The following FSTL1 variants were observed in gnomAD, a reference collection of about 807,000 sequenced individuals.
FSTL1 encodes follistatin like 1, also known as follistatin-related protein 1.
In FSTL1, 24 loss-of-function variants were observed where a neutral mutation model predicts 45.9. The observed-to-expected ratio is 0.52, with a 90% confidence interval of 0.38 to 0.74. FSTL1 has a LOEUF of 0.74. Ranked by LOEUF, FSTL1 falls within the 30% of genes least tolerant of loss-of-function variation. The pLI, the probability that FSTL1 is intolerant of heterozygous loss-of-function variation, is 0.00. For synonymous variants in FSTL1, 120 were observed against 137.6 expected, an observed-to-expected ratio of 0.87 and a Z score of 0.89; for missense variants, 340 against 381.8, an observed-to-expected ratio of 0.89 and a Z score of 0.91.
chr3:120,430,724 A>G (rs973911129), intron 2 of FSTL1, among the ~76,000 whole-genome samples: 2 of 152,244 alleles, frequency 1.3e-5, no homozygotes, highest in Admixed American at 6.5e-5. Flanking sequence ...AATCAAAAAC[A>G]TACCAAACAT....
chr3:120,405,109 G>T, intron 6 of FSTL1, 138 bp from the exon 7 acceptor site: 1 of 615,926 alleles, frequency 1.6e-6, no homozygotes, highest in South Asian at 1.9e-5. Flanking sequence ...GAGGGCCTTG[G>T]CAACAAATGC....
At chr3:120,412,828 G>GCA (rs1937091932) in intron 3 of FSTL1, among the ~76,000 whole-genome samples, 4 of 67,446 alleles carry the variant, frequency 5.9e-5, no homozygotes, top group East Asian at 3.5e-4. Context: ...GTGCGCGCGC[G>GCA]CGCGCGCGCG....
chr3:120,414,074 C>T (rs1438014192), intron 3 of FSTL1, among the ~76,000 whole-genome samples: 1 of 151,898 alleles, frequency 6.6e-6, no homozygotes, highest in Non-Finnish European at 1.5e-5. Context: ...GAGTCTCGTT[C>T]ACTCAGTGCT....
At chr3:120,415,542 T>C (rs1219221062) in intron 3 of FSTL1, among the ~76,000 whole-genome samples, 2 of 152,192 alleles carry the variant, frequency 1.3e-5, no homozygotes, top group South Asian at 2.1e-4. Context: ...ATAAACCCTA[T>C]GCTTATAGTA....
intron 2 of FSTL1, among the ~76,000 whole-genome samples, chr3:120,422,768 C>T (rs1354746211): frequency 6.6e-6 from 1 of 151,772 alleles, no homozygotes; most frequent in Non-Finnish European, 1.5e-5. Flanking sequence ...AATCTCAGCT[C>T]ACTGTAACTT....
At chr3:120,443,811 A>G (rs1937679640) in intron 2 of FSTL1, among the ~76,000 whole-genome samples, 1 of 149,936 alleles carries the variant, frequency 6.7e-6, no homozygotes, top group Non-Finnish European at 1.5e-5. Context: ...CTTCCAAATG[A>G]GCATCTAAAG....
intron 2 of FSTL1, among the ~76,000 whole-genome samples, chr3:120,419,976 G>T (rs1937251334): frequency 6.6e-6 from 1 of 152,170 alleles, no homozygotes; most frequent in East Asian, 1.9e-4. Flanking sequence ...GGAGAGTCAG[G>T]AAAGCTCTGT....
chr3:120,410,894 C>A, intron 5 of FSTL1, 58 bp downstream of exon 5: 1 of 1,358,748 alleles, frequency 7.4e-7, no homozygotes, highest in African/African-American at 1.4e-5. Context: ...CACAAAATTT[C>A]TATCATGAAA....
At chr3:120,449,186 C>T (rs1232948631) in intron 2 of FSTL1, among the ~76,000 whole-genome samples, 2 of 152,220 alleles carry the variant, frequency 1.3e-5, no homozygotes, top group Non-Finnish European at 2.9e-5. Context: ...TGCTTCAGAG[C>T]TAACTAGTTG....
In FSTL1 at chr3:120,396,866, C is replaced by A; in HGVS notation, c.*86G>T. 1 of 908,320 alleles carries A rather than the reference C, an allele frequency of 1.1e-6. No individual in the cohort carries two copies. 56.3% of individuals were successfully genotyped at this position (908,320 alleles called of 1,614,324 possible). On this transcript the variant is annotated 3_prime_UTR_variant, in exon 11 of 11. Coordinates refer to ENST00000295633, the MANE Select transcript of FSTL1 (RefSeq NM_007085.5). The stretch of plus-strand genomic sequence containing the variant: ...ATATAAGCAAATACTGGTGATTTGG[C>A]GACTGTAGCAGACACTTGTGTATAC...
Position 120,411,883 on chromosome 3 carries a change from A to T in FSTL1, c.269T>A (p.Ile90Asn), listed in dbSNP as rs1338653142. The T allele has an allele frequency of 1.1e-5, 18 of 1,613,946 alleles. No homozygotes were observed. The highest frequency in any genetic ancestry group is 1.5e-5 in the Non-Finnish European group (18 of 1,179,936). ...HRDACLTGSKIQVDYDGHCKE... is the reference protein window; with the variant it reads ...HRDACLTGSKNQVDYDGHCKE... Reference sequence around the variant, plus strand: ...GCAGTGTCCATCGTAATCAACCTGGATTTTGGATCCAGTGAGGCAGGCATC... The same window carrying T: ...GCAGTGTCCATCGTAATCAACCTGGTTTTTGGATCCAGTGAGGCAGGCATC... Residue 90 changes from isoleucine (I) to asparagine (N), a missense_variant, in exon 4 of 11, where the codon ATC (isoleucine) becomes AAC (asparagine). Transcript: ENST00000295633.
intron 2 of FSTL1, among the ~76,000 whole-genome samples, chr3:120,432,462 A>AT (rs1311575572): frequency 6.6e-6 from 1 of 151,972 alleles, no homozygotes; most frequent in East Asian, 1.9e-4. Flanking sequence ...ATTCCCCCCT[A>AT]TTTTTTCAGA....
chr3:120,428,898 A>T (rs1409002235), intron 2 of FSTL1, among the ~76,000 whole-genome samples: 2 of 152,232 alleles, frequency 1.3e-5, no homozygotes, highest in Non-Finnish European at 2.9e-5. Flanking sequence ...CCAGCAAGAA[A>T]CTCAAAGCTA....
rs533260444 is a variant in FSTL1, at chr3:120,431,902, G to A, written c.64-15875C>T. Among the ~76,000 whole-genome samples, 137 of 152,290 alleles carry A rather than the reference G, an allele frequency of 9.0e-4. 1 individual carries two copies. The highest frequency in any genetic ancestry group is 3.1e-3 in the African/African-American group (127 of 41,570). On this transcript the variant is annotated intron_variant, in intron 2 of 10. Coordinates refer to ENST00000295633, the MANE Select transcript of FSTL1 (RefSeq NM_007085.5). ...CCTAGTCCTTCAAAAATAGGCAGGCGTCATGGGCACTTAGGCTGAATTCTG... is the reference window on the plus strand; with the variant it reads ...CCTAGTCCTTCAAAAATAGGCAGGCATCATGGGCACTTAGGCTGAATTCTG...
chr3:120,431,732 G>C (rs1396664849), intron 2 of FSTL1, among the ~76,000 whole-genome samples: 2 of 152,204 alleles, frequency 1.3e-5, no homozygotes, highest in South Asian at 4.1e-4. Context: ...CGGAGGAGGA[G>C]GGTTTGAGGA....
chr3:120,431,295 CAAAAG>C (rs1328545092), intron 2 of FSTL1, among the ~76,000 whole-genome samples: 1 of 151,860 alleles, frequency 6.6e-6, no homozygotes, highest in Non-Finnish European at 1.5e-5. Flanking sequence ...TTTAAAAACT[CAAAAG>C]AAATAAGGTG....
chr3:120,408,190 C>T (rs1466686774), intron 6 of FSTL1, among the ~76,000 whole-genome samples: 1 of 152,206 alleles, frequency 6.6e-6, no homozygotes, highest in Non-Finnish European at 1.5e-5. Context: ...ACTTTCTGTT[C>T]CTGTCCAAGT....
At chr3:120,411,115 C>T in intron 4 of FSTL1, 131 bp from the exon 5 acceptor site, 1 of 618,038 alleles carries the variant, frequency 1.6e-6, no homozygotes, top group South Asian at 2.0e-5. Context: ...TGTCTTGAAT[C>T]CTTTCCCTTC....
At chr3:120,425,958 G>A (rs566117133) in intron 2 of FSTL1, among the ~76,000 whole-genome samples, 7 of 152,176 alleles carry the variant, frequency 4.6e-5, no homozygotes, top group Middle Eastern at 3.4e-3. Context: ...TATTCTACTT[G>A]CATTTGCCTT....
Sources: gnomAD v4.1 joint callset for allele counts (sites outside exome capture counted in the v4.1 genomes callset) on GRCh38, gnomAD v4.1.1 for gene constraint, MANE v1.5 for transcripts, NCBI Gene and HGNC (gene_info 2026-07-23, HGNC 2026-07-21) for gene names.